Variants in PREP observed in about 807,000 individuals in gnomAD.
The protein encoded by PREP is dJ355L5.1 (prolyl endopeptidase).
A neutral mutation model predicts 87.6 loss-of-function variants in PREP; 29 were observed. That is an observed-to-expected ratio of 0.33 (90% CI 0.25 to 0.45). The LOEUF (loss-of-function observed/expected upper bound fraction) is 0.45. Ranked by LOEUF, PREP falls within the 20% of genes least tolerant of loss-of-function variation. The probability of loss-of-function intolerance (pLI) is 1.00; values close to 1 mark genes in which losing one functional copy is unlikely to be tolerated. For synonymous variants in PREP, 337 were observed against 328.6 expected (o/e 1.03, Z -0.28); for missense variants, 695 against 886.5 (o/e 0.78, Z 2.74).
rs200768182 is a variant in PREP at position 105,376,288 on chromosome 6, G to A, written c.255-33C>T. ...ACAGAGATGGTCTTTATTCAGCTGT[G>A]GAGTTTTCTATTTGTGGAGTAAAAC... On this transcript the variant is annotated intron_variant, in intron 3 of 14. Coordinates refer to ENST00000652536, the MANE Select transcript of PREP (RefSeq NM_002726.5). 2.3e-3 allele frequency: 3,683 copies of A among 1,596,550 alleles called. 9 individuals carry two copies. The highest frequency in any genetic ancestry group is 2.9e-3 in the Non-Finnish European group (3,435 of 1,172,168).
chr6:105,399,181 T>TC (rs1216195321), intron 1 of PREP, among the ~76,000 whole-genome samples: 2 of 152,116 alleles, frequency 1.3e-5, no homozygotes, highest in African/African-American at 4.8e-5. Flanking sequence ...TCTGAACCAC[T>TC]CCAACATTCT....
intron 9 of PREP, among the ~76,000 whole-genome samples, chr6:105,326,850 T>TA (rs1382630077): frequency 6.6e-6 from 1 of 152,110 alleles, no homozygotes; most frequent in Non-Finnish European, 1.5e-5. Context: ...GTCAGAAAAT[T>TA]AAAGCTTGGT....
At chr6:105,285,800 G>A (rs546747308) in intron 11 of PREP, among the ~76,000 whole-genome samples, 1 of 152,102 alleles carries the variant, frequency 6.6e-6, no homozygotes, top group African/African-American at 2.4e-5. Flanking sequence ...TTTTGAGACA[G>A]AGTCTCACTC....
rs747273777 is a variant in PREP at position 105,281,780 on chromosome 6, A to G, written c.1804T>C (p.Ser602Pro). The G allele has an allele frequency of 1.2e-6, 2 of 1,614,148 alleles. No homozygotes were observed. The highest frequency in any genetic ancestry group is 3.3e-5 in the Admixed American group (2 of 60,014). The change falls in exon 14 of 15, where the codon TCG (serine) becomes CCG (proline). Residue 602 changes from serine to proline, a missense_variant. Around this residue, in one of 5 missense-constraint regions of PREP, gnomAD observed 121 missense variants for 154.8 expected, o/e 0.78. Transcript: ENST00000652536. The part of the protein sequence containing the change: ...GHAWTTDYGC[S>P]DSKQHFEWLV... The stretch of plus-strand genomic sequence containing the variant: ...CATTCAAAGTGTTGTTTGCTGTCCG[A>G]GCACCCATAATCAGTGGTCCAAGCA...
chr6:105,300,760 G>A (rs1028635804), intron 10 of PREP, among the ~76,000 whole-genome samples: 4 of 152,150 alleles, frequency 2.6e-5, no homozygotes, highest in Non-Finnish European at 5.9e-5. Flanking sequence ...AACTCTGGAA[G>A]CATGTTTTAG....
intron 12 of PREP, among the ~76,000 whole-genome samples, chr6:105,284,362 G>A (rs1770145115): frequency 6.6e-6 from 1 of 152,094 alleles, no homozygotes; most frequent in African/African-American, 2.4e-5. Context: ...TCCTGCATAT[G>A]GTACCTAACA....
At chr6:105,359,156 C>T (rs1360566351) in intron 6 of PREP, among the ~76,000 whole-genome samples, 1 of 152,148 alleles carries the variant, frequency 6.6e-6, no homozygotes, top group Non-Finnish European at 1.5e-5. Context: ...CAAGAGTCTA[C>T]CAAGTGCTGG....
chr6:105,363,968 C>G (rs1772316851), intron 6 of PREP, among the ~76,000 whole-genome samples: 1 of 152,138 alleles, frequency 6.6e-6, no homozygotes, highest in South Asian at 2.1e-4. Flanking sequence ...GAGCTGGAAC[C>G]TGGACATACA....
intron 10 of PREP, among the ~76,000 whole-genome samples, chr6:105,311,866 G>A (rs1770767469): frequency 6.6e-6 from 1 of 152,192 alleles, no homozygotes; most frequent in African/African-American, 2.4e-5. Context: ...AAACAGGTGA[G>A]CTTTAGGAAT....
chr6:105,384,659 T>C (rs1322461894), intron 2 of PREP, among the ~76,000 whole-genome samples: 1 of 152,066 alleles, frequency 6.6e-6, no homozygotes, highest in Non-Finnish European at 1.5e-5. Flanking sequence ...AAAATAGTAA[T>C]AGTAGTAAAC....
rs879031636 is a variant in PREP at position 105,275,974 on chromosome 6, T to C, written c.*2170A>G. 1.3e-5 allele frequency among the ~76,000 whole-genome samples: 2 copies of C among 152,214 alleles called. No individual in the cohort carries two copies. The highest frequency in any genetic ancestry group is 1.3e-4 in the Admixed American group (2 of 15,288). On this transcript the variant is annotated 3_prime_UTR_variant, in exon 15 of 15. Transcript: ENST00000652536. ...TTAGATCAGTAGGGTGTCTATAGTT[T>C]ACAATAATCTACTGTGCATTTCAAA...
rs1325368513 is a variant in PREP, at chr6:105,345,465, CAA to C, written c.823+7505_823+7506del. Among the ~76,000 whole-genome samples the C allele has an allele frequency of 2.0e-5, 3 of 152,230 alleles. No homozygotes were observed. In the East Asian group the frequency reaches 5.8e-4, roughly 29 times the overall value. ...AAATTGTCTTATGCTTTTCCTAGAG[CAA>C]AGTCATACTTTTATTACTTTCTTTG... On this transcript the variant is annotated intron_variant, in intron 7 of 14. Transcript: ENST00000652536.
At chr6:105,293,669 T>C (rs1356532321) in intron 10 of PREP, among the ~76,000 whole-genome samples, 1 of 151,722 alleles carries the variant, frequency 6.6e-6, no homozygotes, top group Non-Finnish European at 1.5e-5. Context: ...GTACATACAA[T>C]ATACATACGT....
In PREP at chr6:105,331,154, A is replaced by C. The variant is rs1027232596; in HGVS notation, c.1016-2128T>G. Among the ~76,000 whole-genome samples the C allele has an allele frequency of 2.0e-5, 3 of 152,298 alleles. No homozygotes were observed. In the East Asian group the frequency reaches 5.8e-4, roughly 29 times the overall value. ...ACTTTATGACTCATCTCTAGTTTTT[A>C]TTCTCAATAGGGCGCTCTGTGCTAA... On this transcript the variant is annotated intron_variant, in intron 8 of 14. Coordinates refer to ENST00000652536, the MANE Select transcript of PREP (RefSeq NM_002726.5).
At chr6:105,285,703 T>C (rs1770176765) in intron 11 of PREP, 123 bp from the exon 12 acceptor site, 4 of 703,672 alleles carry the variant, frequency 5.7e-6, no homozygotes, top group East Asian at 5.3e-5. Context: ...CAATAGGAGC[T>C]TGACATTTCT....
chr6:105,295,245 G>T (rs1266439077), intron 10 of PREP, among the ~76,000 whole-genome samples: 1 of 145,366 alleles, frequency 6.9e-6, no homozygotes, highest in Admixed American at 7.0e-5. Flanking sequence ...CCATCTGCTT[G>T]TAGCTCCTGG....
At chr6:105,354,057 T>C (rs1350837910) in intron 6 of PREP, among the ~76,000 whole-genome samples, 1 of 152,182 alleles carries the variant, frequency 6.6e-6, no homozygotes, top group Non-Finnish European at 1.5e-5. Flanking sequence ...AAACTATACA[T>C]ATTCTTTTGC....
intron 2 of PREP, 123 bp from the exon 3 acceptor site, chr6:105,377,642 T>C (rs1292997051): frequency 3.0e-6 from 3 of 1,011,826 alleles, no homozygotes; most frequent in Non-Finnish European, 4.4e-6. Context: ...TTCTCTCTCA[T>C]TACCAGCCTC....
intron 8 of PREP, among the ~76,000 whole-genome samples, chr6:105,330,812 G>C (rs1771309273): frequency 1.3e-5 from 2 of 152,204 alleles, no homozygotes; most frequent in African/African-American, 4.8e-5. Context: ...CTTGATCTTG[G>C]GCTGCTGAGA....
Sources: gnomAD v4.1 joint callset for allele counts (sites outside exome capture counted in the v4.1 genomes callset) on GRCh38, gnomAD v4.1.1 for gene constraint, gnomAD v4.1.1 regional missense constraint, MANE v1.5 for transcripts, NCBI Gene and HGNC (gene_info 2026-07-23, HGNC 2026-07-21) for gene names.